The following ZC3H12B variants were observed in gnomAD, a reference collection of about 807,000 sequenced individuals.
The protein encoded by ZC3H12B is zinc finger CCCH-type containing 12B.
In ZC3H12B, 7 loss-of-function variants were observed where a neutral mutation model predicts 43.9. The observed-to-expected ratio is 0.16, with a 90% CI of 0.09 to 0.30. The LOEUF (loss-of-function observed/expected upper bound fraction) is 0.30, where lower values mean the gene tolerates loss of function less well. Among genes scored for constraint, ZC3H12B ranks in the 10% least tolerant of loss-of-function variants. The probability of loss-of-function intolerance (pLI) is 1.00; values close to 1 mark genes in which losing one functional copy is unlikely to be tolerated. For synonymous variants in ZC3H12B, 222 were observed against 241.7 expected (o/e 0.92, Z 0.76); for missense variants, 475 against 670.2 (o/e 0.71, Z 3.22).
chrX:65,221,516 C>G, the ZC3H12B span, among the ~76,000 whole-genome samples: 1 of 111,179 alleles, frequency 9.0e-6, no homozygotes, highest in East Asian at 2.8e-4. Context: ...GATAATACAA[C>G]CAATATCACA....
At chrX:65,192,648 T>C in the ZC3H12B span, among the ~76,000 whole-genome samples, 2 of 111,762 alleles carry the variant, frequency 1.8e-5, no homozygotes, top group Non-Finnish European at 3.8e-5. Context: ...ATGGATTACA[T>C]TGGCTGACTT....
chrX:65,281,647 C>T, the ZC3H12B span, among the ~76,000 whole-genome samples: 1 of 112,348 alleles, frequency 8.9e-6, no homozygotes, highest in African/African-American at 3.2e-5. Context: ...TAGACTCCCA[C>T]CTCTTACGTT....
intron 2 of ZC3H12B, among the ~76,000 whole-genome samples, chrX:65,372,500 G>A (rs779364773): frequency 1.1e-5 from 1 of 87,802 alleles, no homozygotes; most frequent in Non-Finnish European, 2.2e-5. Flanking sequence ...AGGAAGGAAG[G>A]AAAGGAAGGA....
intron 2 of ZC3H12B, among the ~76,000 whole-genome samples, chrX:65,373,048 G>A (rs1285850631): frequency 1.8e-5 from 2 of 111,646 alleles, no homozygotes; most frequent in Non-Finnish European, 3.8e-5. Context: ...TCTAAATAGA[G>A]AAAAAGGAAG....
At chrX:65,363,145 C>T (rs368734055), upstream of ZC3H12B, among the ~76,000 whole-genome samples, 3 of 111,034 alleles carry the variant, frequency 2.7e-5, no homozygotes, top group East Asian at 8.5e-4. Flanking sequence ...TTCTTTCCAC[C>T]CCTCTGCTTC....
chrX:65,302,193 G>A, the ZC3H12B span, among the ~76,000 whole-genome samples: 1 of 109,724 alleles, frequency 9.1e-6, no homozygotes, highest in South Asian at 3.8e-4. Flanking sequence ...GACATGAAAA[G>A]AAAATAGATT....
chrX:65,356,187 G>A, the ZC3H12B span, among the ~76,000 whole-genome samples: 1 of 111,427 alleles, frequency 9.0e-6, no homozygotes, highest in African/African-American at 3.3e-5. Flanking sequence ...AAAGCAATTA[G>A]GGTGGAAACA....
chrX:65,446,296 G>T (rs774252819), intron 3 of ZC3H12B, among the ~76,000 whole-genome samples: 1 of 111,693 alleles, frequency 9.0e-6, no homozygotes, highest in African/African-American at 3.2e-5. Context: ...GCTGCAAGCT[G>T]AACTGCCTGG....
chrX:65,199,309 C>G, the ZC3H12B span, among the ~76,000 whole-genome samples: 1 of 108,475 alleles, frequency 9.2e-6, no homozygotes, highest in African/African-American at 3.4e-5. Context: ...CTGCATTTTT[C>G]TTCTACAGAA....
At chrX:65,372,678 T>C (rs771211155) in intron 2 of ZC3H12B, among the ~76,000 whole-genome samples, 2 of 111,782 alleles carry the variant, frequency 1.8e-5, no homozygotes, top group African/African-American at 3.2e-5. Flanking sequence ...AAACTTTCAA[T>C]TTTCTTATTT....
the ZC3H12B span, among the ~76,000 whole-genome samples, chrX:65,262,705 G>A: frequency 9.0e-6 from 1 of 110,871 alleles, no homozygotes; most frequent in African/African-American, 3.3e-5. Flanking sequence ...ACTCCAAGAG[G>A]TGACACAATG....
chrX:65,164,332 G>T, the ZC3H12B span, among the ~76,000 whole-genome samples: 3 of 111,171 alleles, frequency 2.7e-5, no homozygotes, highest in Non-Finnish European at 5.7e-5. Context: ...TGTGGTTAAT[G>T]GGCTGGGTGG....
the ZC3H12B span, chrX:65,187,096 A>G: frequency 8.9e-6 from 1 of 111,946 alleles, no homozygotes; most frequent in Non-Finnish European, 1.9e-5. Context: ...TAGTTCTTTA[A>G]GGAATCTCCC....
the ZC3H12B span, among the ~76,000 whole-genome samples, chrX:65,157,365 TC>T: frequency 3.7e-4 from 42 of 112,513 alleles, no homozygotes; most frequent in East Asian, 0.011. Flanking sequence ...TTCCTTACTT[TC>T]TAATATAAAT....
chrX:65,319,949 A>T, the ZC3H12B span, among the ~76,000 whole-genome samples: 1 of 111,840 alleles, frequency 8.9e-6, no homozygotes, highest in African/African-American at 3.3e-5. Context: ...ATTTGTGGCA[A>T]ACCCACATCC....
the ZC3H12B span, among the ~76,000 whole-genome samples, chrX:65,344,925 C>A: frequency 1.2e-4 from 13 of 112,105 alleles, no homozygotes; most frequent in African/African-American, 4.2e-4. Context: ...AAAAGACATA[C>A]ATGAGGTCAA....
chrX:65,314,822 T>C, the ZC3H12B span, among the ~76,000 whole-genome samples: 1 of 110,912 alleles, frequency 9.0e-6, no homozygotes, highest in East Asian at 2.8e-4. Context: ...AAAATTTTTG[T>C]GTATGTAGAC....
At chrX:65,299,883 T>TGG in the ZC3H12B span, among the ~76,000 whole-genome samples, 1 of 112,485 alleles carries the variant, frequency 8.9e-6, no homozygotes, top group African/African-American at 3.2e-5. Flanking sequence ...ACATCCTTAC[T>TGG]GGGGAACCTG....
At chrX:65,478,842 C>T (rs757517155) in intron 3 of ZC3H12B, among the ~76,000 whole-genome samples, 8 of 112,327 alleles carry the variant, frequency 7.1e-5, no homozygotes, top group Non-Finnish European at 1.5e-4. Context: ...ATGTGTCCTT[C>T]TAGATCCCCA....
Sources: gnomAD v4.1 joint callset for allele counts (sites outside exome capture counted in the v4.1 genomes callset) on GRCh38, gnomAD v4.1.1 for gene constraint, MANE v1.5 for transcripts, NCBI Gene and HGNC (gene_info 2026-07-23, HGNC 2026-07-21) for gene names.